ADGRL3: variants seen among roughly 807,000 people sequenced by gnomAD.
ADGRL3 encodes calcium-independent alpha-latrotoxin receptor 3.
Under a neutral mutation model 153.5 loss-of-function variants are expected in ADGRL3, and 62 were observed. The observed-to-expected ratio is 0.40, with a 90% CI of 0.33 to 0.50. ADGRL3 has a LOEUF of 0.50. Among genes scored for constraint, ADGRL3 ranks in the 20% least tolerant of loss-of-function variants. The pLI is 0.47. For synonymous variants in ADGRL3, 710 were observed against 672.5 expected, an observed-to-expected ratio of 1.06 and a Z score of -0.86; for missense variants, 1,641 against 1,859.4, an observed-to-expected ratio of 0.88 and a Z score of 2.16.
At chr4:62,041,349 A>G (rs1447375946) in intron 24 of ADGRL3, among the ~76,000 whole-genome samples, 1 of 152,090 alleles carries the variant, frequency 6.6e-6, no homozygotes, top group African/African-American at 2.4e-5. Context: ...ATGGACTGAA[A>G]TAATATCTTT....
intron 5 of ADGRL3, among the ~76,000 whole-genome samples, chr4:61,600,538 A>G (rs1298349438): frequency 1.3e-5 from 2 of 152,130 alleles, no homozygotes; most frequent in Non-Finnish European, 2.9e-5. Flanking sequence ...TCCAAGCCAC[A>G]TGTCCTGGTA....
chr4:61,233,473 G>A (rs946520914), intron 1 of ADGRL3, among the ~76,000 whole-genome samples: 2 of 152,030 alleles, frequency 1.3e-5, no homozygotes, highest in African/African-American at 2.4e-5. Context: ...CAGTATGAGG[G>A]GACTGAGATT....
intron 4 of ADGRL3, among the ~76,000 whole-genome samples, chr4:61,527,690 T>C (rs2152942487): frequency 6.6e-6 from 1 of 152,326 alleles, no homozygotes; most frequent in Non-Finnish European, 1.5e-5. Flanking sequence ...TATTTTTAAT[T>C]GAAAATTTCA....
At chr4:62,058,568 AG>A (rs1307316736) in intron 25 of ADGRL3, among the ~76,000 whole-genome samples, 1 of 152,124 alleles carries the variant, frequency 6.6e-6, no homozygotes, top group Non-Finnish European at 1.5e-5. Flanking sequence ...CCTCCCTTCC[AG>A]GAAAAATTAG....
intron 4 of ADGRL3, among the ~76,000 whole-genome samples, chr4:61,541,724 C>T (rs2098690955): frequency 6.6e-6 from 1 of 152,022 alleles, no homozygotes; most frequent in Non-Finnish European, 1.5e-5. Context: ...TCCAGTGTTC[C>T]CTTGTGGCTC....
chr4:62,068,952 A>G (rs1190513792), intron 26 of ADGRL3, among the ~76,000 whole-genome samples: 1 of 152,180 alleles, frequency 6.6e-6, no homozygotes, highest in African/African-American at 2.4e-5. Flanking sequence ...AATGAATGCT[A>G]TATTTTCACA....
intron 4 of ADGRL3, among the ~76,000 whole-genome samples, chr4:61,575,349 A>G (rs1412358175): frequency 6.6e-6 from 1 of 151,978 alleles, no homozygotes; most frequent in Non-Finnish European, 1.5e-5. Context: ...GTAATTTTGA[A>G]AATACTCTTG....
At chr4:61,252,030 C>T (rs1759494048) in intron 1 of ADGRL3, among the ~76,000 whole-genome samples, 2 of 151,828 alleles carry the variant, frequency 1.3e-5, no homozygotes, top group Non-Finnish European at 2.9e-5. Flanking sequence ...ATTACAGGCA[C>T]CTGCCACCAT....
At chr4:61,818,550 A>G (rs1362858043) in intron 9 of ADGRL3, among the ~76,000 whole-genome samples, 1 of 152,196 alleles carries the variant, frequency 6.6e-6, no homozygotes, top group Non-Finnish European at 1.5e-5. Context: ...TTCGTAAGAA[A>G]TCTGGCCCCA....
Position 62,070,700 on chromosome 4 carries a change from A to AACCCCCACCGGCC in ADGRL3, c.4426_4438dup (p.Lys1480ThrfsTer8), listed in dbSNP as rs1429392898. The AACCCCCACCGGCC allele has an allele frequency of 6.3e-5, 98 of 1,551,462 alleles. No individual in the cohort carries two copies. Among genetic ancestry groups the AACCCCCACCGGCC allele is most frequent in the Non-Finnish European group, 8.2e-5 (94 of 1,146,952 alleles). ...AGTGTTACCACCAGCACCCAGACCG[A>AACCCCCACCGGCC]ACCCCCACCGGCCAAATGTGGTGAT... On this transcript the variant is annotated frameshift_variant, in exon 27 of 27. Transcript: ENST00000683033. LOFTEE classifies it high-confidence loss of function.
At chr4:61,767,926 T>C (rs1351139697) in intron 8 of ADGRL3, among the ~76,000 whole-genome samples, 2 of 152,102 alleles carry the variant, frequency 1.3e-5, no homozygotes, top group Non-Finnish European at 2.9e-5. Flanking sequence ...AGTCCTGTTG[T>C]GGGGTTTGAG....
intron 2 of ADGRL3, among the ~76,000 whole-genome samples, chr4:61,454,244 G>A (rs988529633): frequency 2.0e-4 from 30 of 151,724 alleles, no homozygotes; most frequent in African/African-American, 6.5e-4. Context: ...TAAATTTTGT[G>A]GTCTTGGAGA....
At chr4:61,598,917 G>C (rs552403098) in intron 5 of ADGRL3, among the ~76,000 whole-genome samples, 1 of 152,164 alleles carries the variant, frequency 6.6e-6, no homozygotes, top group East Asian at 1.9e-4. Flanking sequence ...TGCTCCAACT[G>C]GTAAAGAGAT....
intron 6 of ADGRL3, among the ~76,000 whole-genome samples, chr4:61,699,330 ATAT>A (rs770759332): frequency 1.2e-4 from 18 of 152,324 alleles, no homozygotes; most frequent in Middle Eastern, 3.4e-3. Flanking sequence ...TTAAAAAATA[ATAT>A]TTCTTAGCAA....
At chr4:61,561,423 A>ATGTT (rs2098794615) in intron 4 of ADGRL3, among the ~76,000 whole-genome samples, 1 of 152,142 alleles carries the variant, frequency 6.6e-6, no homozygotes, top group Non-Finnish European at 1.5e-5. Context: ...TAGAATCTTT[A>ATGTT]TGTTTCCTGA....
chr4:61,501,910 T>C (rs1477456972), intron 3 of ADGRL3, among the ~76,000 whole-genome samples: 1 of 152,238 alleles, frequency 6.6e-6, no homozygotes, highest in East Asian at 1.9e-4. Flanking sequence ...TGTGTACTTC[T>C]GTATTTCTCT....
At chr4:61,582,277 CA>C (rs1337250729) in intron 4 of ADGRL3, among the ~76,000 whole-genome samples, 1 of 151,974 alleles carries the variant, frequency 6.6e-6, no homozygotes, top group Non-Finnish European at 1.5e-5. Context: ...CTGCACCTAT[CA>C]GCCCATCACC....
At chr4:61,229,423 T>A (rs566132224) in intron 1 of ADGRL3, among the ~76,000 whole-genome samples, 3 of 152,232 alleles carry the variant, frequency 2.0e-5, no homozygotes, top group Non-Finnish European at 4.4e-5. Context: ...CTTTATTGTA[T>A]GTTTTGAGAG....
At chr4:61,709,309 C>T (rs1369521057) in intron 6 of ADGRL3, among the ~76,000 whole-genome samples, 2 of 152,010 alleles carry the variant, frequency 1.3e-5, no homozygotes, top group African/African-American at 4.8e-5. Flanking sequence ...ACCTAATTGG[C>T]CTATGTAGTT....
Sources: gnomAD v4.1 joint callset for allele counts (sites outside exome capture counted in the v4.1 genomes callset) on GRCh38, gnomAD v4.1.1 for gene constraint, MANE v1.5 for transcripts, NCBI Gene and HGNC (gene_info 2026-07-23, HGNC 2026-07-21) for gene names.